Variants in LTBP1 observed in about 807,000 individuals in gnomAD.
LTBP1 encodes the protein latent transforming growth factor beta binding protein 1, also known as latent-transforming growth factor beta-binding protein 1.
LTBP1 carries 129 observed loss-of-function variants against 207.6 expected under a neutral mutation model. The ratio of observed to expected loss-of-function variants is 0.62; its 90% CI spans 0.54 to 0.72. LTBP1 has a LOEUF of 0.72. LTBP1 is among the 30% of genes least tolerant of loss of function. The probability of loss-of-function intolerance (pLI) is 0.00; values close to 1 mark genes in which losing one functional copy is unlikely to be tolerated. For synonymous variants in LTBP1, 963 were observed against 833.7 expected (o/e 1.16, Z -2.67); for missense variants, 2,281 against 2,217.2 (o/e 1.03, Z -0.58).
At chr2:33,373,829 A>G (rs2095102246) in intron 31 of LTBP1, among the ~76,000 whole-genome samples, 1 of 152,212 alleles carries the variant, frequency 6.6e-6, no homozygotes. Context: ...CATAATTAGT[A>G]TAATTTATTC....
At chr2:33,071,479 T>C (rs982794008) in intron 3 of LTBP1, among the ~76,000 whole-genome samples, 5 of 152,164 alleles carry the variant, frequency 3.3e-5, no homozygotes, top group African/African-American at 7.2e-5. Context: ...AGTGGGATCA[T>C]TGGGTGCCAT....
intron 3 of LTBP1, among the ~76,000 whole-genome samples, chr2:33,078,840 C>CTG (rs1265937400): frequency 8.2e-6 from 1 of 122,098 alleles, no homozygotes; most frequent in African/African-American, 2.7e-5. Context: ...CTCTTCTCTT[C>CTG]TGTTTTCTTT....
At chr2:33,378,455 C>G (rs558545241) in intron 31 of LTBP1, among the ~76,000 whole-genome samples, 26 of 152,184 alleles carry the variant, frequency 1.7e-4, no homozygotes, top group African/African-American at 6.3e-4. Flanking sequence ...TGGTTTCAAA[C>G]TCCTGAGCTC....
At chr2:33,016,470 A>T (rs1487404236) in intron 2 of LTBP1, among the ~76,000 whole-genome samples, 1 of 152,194 alleles carries the variant, frequency 6.6e-6, no homozygotes, top group Non-Finnish European at 1.5e-5. Flanking sequence ...GGGAGTTAAA[A>T]AAGTACTGAA....
intron 24 of LTBP1, among the ~76,000 whole-genome samples, chr2:33,335,839 G>C (rs1432630961): frequency 1.3e-5 from 2 of 152,068 alleles, no homozygotes; most frequent in East Asian, 1.9e-4. Context: ...CTTTTCTTTG[G>C]ATCTGTTTTC....
Position 33,397,295 on chromosome 2 carries a change from T to G in LTBP1, c.4984+13T>G, listed in dbSNP as rs1344899354. 3.1e-6 allele frequency: 5 copies of G among 1,613,770 alleles called. No individual in the cohort carries two copies. Among genetic ancestry groups the G allele is most frequent in the Non-Finnish European group, 3.4e-6 (4 of 1,179,768 alleles). On this transcript the variant is annotated intron_variant, in intron 33 of 33. Transcript: ENST00000404816. ...ATGACCTGTGTCGGTAAGAATGACG[T>G]GTGTTTTATGGGACATTAATTTTTT...
intron 3 of LTBP1, among the ~76,000 whole-genome samples, chr2:33,063,612 A>ATATATAG (rs2077366252): frequency 6.6e-6 from 1 of 152,156 alleles, no homozygotes; most frequent in South Asian, 2.1e-4. Context: ...GCTATAAACT[A>ATATATAG]CATAAATATT....
chr2:33,250,350 G>A (rs1454780018), intron 10 of LTBP1, among the ~76,000 whole-genome samples: 1 of 152,178 alleles, frequency 6.6e-6, no homozygotes, highest in Non-Finnish European at 1.5e-5. Flanking sequence ...TAAGATGGTT[G>A]ACTAGAGGCA....
intron 2 of LTBP1, among the ~76,000 whole-genome samples, chr2:32,955,066 A>T (rs1233756796): frequency 6.6e-6 from 1 of 152,238 alleles, no homozygotes; most frequent in Non-Finnish European, 1.5e-5. Flanking sequence ...CAACAAATTG[A>T]ATCAAAATCT....
intron 3 of LTBP1, among the ~76,000 whole-genome samples, chr2:33,072,749 A>G (rs1429186256): frequency 1.3e-5 from 2 of 152,186 alleles, no homozygotes; most frequent in Non-Finnish European, 2.9e-5. Context: ...TATATATGTC[A>G]TAGTATCACG....
chr2:33,084,656 T>G (rs1238634967), intron 3 of LTBP1, among the ~76,000 whole-genome samples: 1 of 152,244 alleles, frequency 6.6e-6, no homozygotes, highest in Non-Finnish European at 1.5e-5. Flanking sequence ...AAGAGTTTCC[T>G]GTTTATTCTT....
intron 2 of LTBP1, among the ~76,000 whole-genome samples, chr2:32,986,060 G>A (rs888908930): frequency 4.6e-5 from 7 of 152,122 alleles, no homozygotes; most frequent in Non-Finnish European, 2.9e-5. Flanking sequence ...CCTAGTACAT[G>A]GTAAGTATTC....
At chr2:33,214,087 G>A (rs879417464) in intron 7 of LTBP1, among the ~76,000 whole-genome samples, 2 of 152,164 alleles carry the variant, frequency 1.3e-5, no homozygotes, top group African/African-American at 2.4e-5. Flanking sequence ...TGAGTGTTTC[G>A]CTTGATTAGG....
chr2:33,310,886 C>T (rs2094176029), intron 23 of LTBP1, among the ~76,000 whole-genome samples: 3 of 152,004 alleles, frequency 2.0e-5, no homozygotes, highest in Admixed American at 2.0e-4. Context: ...ACCTTTATAT[C>T]TGTTTATTTT....
chr2:33,074,081 A>G (rs538480172), intron 3 of LTBP1, among the ~76,000 whole-genome samples: 14 of 152,332 alleles, frequency 9.2e-5, no homozygotes, highest in African/African-American at 3.4e-4. Context: ...TTGTGAGCTA[A>G]TGGTCTGAAG....
At chr2:33,206,318 T>C (rs915630461) in intron 7 of LTBP1, among the ~76,000 whole-genome samples, 1 of 152,208 alleles carries the variant, frequency 6.6e-6, no homozygotes, top group Non-Finnish European at 1.5e-5. Flanking sequence ...ACTGAAAGCT[T>C]AACCAAATGA....
intron 9 of LTBP1, among the ~76,000 whole-genome samples, chr2:33,242,997 G>A (rs1384390817): frequency 2.0e-5 from 3 of 152,068 alleles, no homozygotes; most frequent in Non-Finnish European, 2.9e-5. Flanking sequence ...TCCAGCCAGT[G>A]GTTTGACTCA....
intron 7 of LTBP1, among the ~76,000 whole-genome samples, chr2:33,211,353 C>G (rs1007360303): frequency 7.2e-5 from 11 of 152,234 alleles, no homozygotes; most frequent in African/African-American, 2.7e-4. Flanking sequence ...CCAGCCCATG[C>G]TCTGCTCATC....
At position 33,342,873 on chromosome 2, in the gene LTBP1, A is replaced by G. The variant is rs1435361921; in HGVS notation, c.3766A>G (p.Ser1256Gly). 6.2e-7 allele frequency: 1 copy of G among 1,614,156 alleles called. No homozygotes were observed. Among genetic ancestry groups the G allele is most frequent in the Non-Finnish European group, 8.5e-7 (1 of 1,179,972 alleles). The change falls in exon 25 of 34, where the codon AGT becomes GGT. Residue 1256 changes from serine (S) to glycine (G), a missense_variant. By Grantham distance (56) the Ser-to-Gly change is moderately conservative. Coordinates refer to ENST00000404816, the MANE Select transcript of LTBP1 (RefSeq NM_206943.4). Reference protein sequence around the residue: ...DECVNNTVCDSHGFCDNTAGS... With the variant: ...DECVNNTVCDGHGFCDNTAGS... The stretch of plus-strand genomic sequence containing the variant: ...ATGTGTAAACAACACTGTTTGTGAC[A>G]GTCACGGGTTTTGTGACAATACAGC...
Sources: gnomAD v4.1 joint callset for allele counts (sites outside exome capture counted in the v4.1 genomes callset) on GRCh38, gnomAD v4.1.1 for gene constraint, MANE v1.5 for transcripts, NCBI Gene and HGNC (gene_info 2026-07-23, HGNC 2026-07-21) for gene names.